The following HPCA variants were observed in gnomAD, a reference collection of about 807,000 sequenced individuals.
HPCA encodes the protein hippocalcin, also known as neuron-specific calcium-binding protein hippocalcin.
Under a neutral mutation model 18.2 loss-of-function variants are expected in HPCA, and 4 were observed. The observed-to-expected ratio is 0.22, with a 90% CI of 0.11 to 0.50. HPCA has a LOEUF of 0.50. Ranked by LOEUF, HPCA falls within the 20% of genes least tolerant of loss-of-function variation. The pLI, the probability that HPCA is intolerant of heterozygous loss-of-function variation, is 0.97. For missense variants in HPCA, 161 were observed against 265.8 expected, an observed-to-expected ratio of 0.61 and a Z score of 2.74; for synonymous variants, 93 against 103.5, an observed-to-expected ratio of 0.90 and a Z score of 0.61.
Position 32,893,737 on chromosome 1 carries a change from C to T in HPCA, c.485-28C>T, listed in dbSNP as rs371652013. The T allele has an allele frequency of 9.0e-6, 14 of 1,554,368 alleles. No individual in the cohort carries two copies. The African/African-American group carries it at 1.1e-4, about 12-fold the overall frequency. On this transcript the variant is annotated intron_variant, in intron 3 of 3. Transcript: ENST00000373467. The surrounding 1 kb of genome is among the most constrained non-coding windows in gnomAD (Gnocchi z 7.5). Reference sequence around the variant, plus strand: ...CCCCTCGCTAGGCTGCCGCCTCCTCCCCCATCACCGCTCCCCTCGCCCTGC... The same window carrying T: ...CCCCTCGCTAGGCTGCCGCCTCCTCTCCCATCACCGCTCCCCTCGCCCTGC...
In HPCA at chr1:32,893,635, G is replaced by A; in HGVS notation, c.484+6G>A. The A allele has an allele frequency of 6.2e-7, 1 of 1,607,560 alleles. No individual in the cohort carries two copies. Among genetic ancestry groups the A allele is most frequent in the Non-Finnish European group, 8.5e-7 (1 of 1,174,210 alleles). ...AATGGACACAAACAACGACGGTGAG[G>A]GGCAGGGGCGGGACGGGGTGGACGG... is the stretch of plus-strand genomic sequence containing the variant. On this transcript the variant is annotated splice_donor_region_variant and intron_variant, in intron 3 of 3. Coordinates refer to ENST00000373467, the MANE Select transcript of HPCA (RefSeq NM_002143.3). The surrounding 1 kb of genome is among the most constrained non-coding windows in gnomAD (Gnocchi z 7.5).
Position 32,893,911 on chromosome 1 carries a change from C to A in HPCA, c.*49C>A. On this transcript the variant is annotated 3_prime_UTR_variant, in exon 4 of 4. Transcript: ENST00000373467. This position sits in a 1 kb window ranked among gnomAD's most constrained non-coding sequence, Gnocchi z 7.5. ...CCTCCCTTCACCGGCCCCCTCCCGG[C>A]TCTTAGCTTCCACTCCCTTGTGTGT... 7.8e-7 allele frequency: 1 copy of A among 1,286,874 alleles called. No individual in the cohort carries two copies. Among genetic ancestry groups the A allele is most frequent in the Non-Finnish European group, 1.1e-6 (1 of 910,694 alleles). 79.7% of individuals were successfully genotyped at this position (1,286,874 alleles called of 1,614,324 possible).
chr1:32,888,059 TTTTA>T (rs1212739753), intron 1 of HPCA, among the ~76,000 whole-genome samples: 62 of 152,180 alleles, frequency 4.1e-4, no homozygotes, highest in Admixed American at 4.1e-3. Context: ...TGTAAGTCAT[TTTTA>T]TTTATTTAAC....
In HPCA at chr1:32,893,927, C is replaced by A; in HGVS notation, c.*65C>A. 8.5e-7 allele frequency: 1 copy of A among 1,173,172 alleles called. No individual in the cohort carries two copies. The highest frequency in any genetic ancestry group is 1.2e-6 in the Non-Finnish European group (1 of 811,092). The allele number at this position is 1,173,172 out of a possible 1,614,324, so 72.7% of individuals were successfully genotyped here. On this transcript the variant is annotated 3_prime_UTR_variant, in exon 4 of 4. Coordinates refer to ENST00000373467, the MANE Select transcript of HPCA (RefSeq NM_002143.3). This position sits in a 1 kb window ranked among gnomAD's most constrained non-coding sequence, Gnocchi z 7.5. ...CCCTCCCGGCTCTTAGCTTCCACTCCCTTGTGTGTATTCTGGCTGGGGGCC... is the reference window on the plus strand; with the variant it reads ...CCCTCCCGGCTCTTAGCTTCCACTCACTTGTGTGTATTCTGGCTGGGGGCC...
chr1:32,894,605 GTTC>G lies in HPCA; in HGVS notation c.*746_*748del. ...GCATGCAGCCAAATGGAGCATCTCT[GTTC>G]TTTTTAATAATTTCAGAATAAAGTC... On this transcript the variant is annotated 3_prime_UTR_variant, in exon 4 of 4. Transcript: ENST00000373467. 1.5e-6 allele frequency: 1 copy of G among 679,872 alleles called. No individual in the cohort carries two copies. Among genetic ancestry groups the G allele is most frequent in the Non-Finnish European group, 2.3e-6 (1 of 427,406 alleles). 42.1% of individuals were successfully genotyped at this position (679,872 alleles called of 1,614,324 possible). A position where few individuals can be genotyped will look rare whatever the true frequency, so the allele number is the denominator to read the frequency against.
chr1:32,893,139 C>T lies in HPCA; in HGVS notation c.379-385C>T, dbSNP rs1304509356. Among the ~76,000 whole-genome samples the T allele has an allele frequency of 6.7e-6, 1 of 148,878 alleles. No homozygotes were observed. Among genetic ancestry groups the T allele is most frequent in the Non-Finnish European group, 1.5e-5 (1 of 66,790 alleles). On this transcript the variant is annotated intron_variant, in intron 2 of 3. Coordinates refer to ENST00000373467, the MANE Select transcript of HPCA (RefSeq NM_002143.3). This position sits in a 1 kb window ranked among gnomAD's most constrained non-coding sequence, Gnocchi z 7.5. The stretch of plus-strand genomic sequence containing the variant: ...GCCGCCCTGGGCCCGGGTGCCAGCC[C>T]GGTACTTACCCCCGACGCGCGTGCC...
In HPCA at chr1:32,890,468, T is replaced by A. The variant is rs551184180; in HGVS notation, c.378+1192T>A. 1.6e-4 allele frequency among the ~76,000 whole-genome samples: 25 copies of A among 152,338 alleles called. No homozygotes were observed. In the South Asian group the frequency reaches 4.8e-3, roughly 29 times the overall value. ...AAGGCTTTACACATTTTTTCACCTG[T>A]AAAGTGGGGGTGTTAATCCCCTGCC... On this transcript the variant is annotated intron_variant, in intron 2 of 3. Coordinates refer to ENST00000373467, the MANE Select transcript of HPCA (RefSeq NM_002143.3).
At chr1:32,890,332 G>GAAT (rs1312019248) in intron 2 of HPCA, among the ~76,000 whole-genome samples, 1 of 152,236 alleles carries the variant, frequency 6.6e-6, no homozygotes, top group East Asian at 1.9e-4. Flanking sequence ...CCTTTTGTTA[G>GAAT]TACAAGTTTA....
intron 2 of HPCA, among the ~76,000 whole-genome samples, chr1:32,890,989 C>T (rs1044548850): frequency 3.3e-5 from 5 of 152,224 alleles, no homozygotes; most frequent in South Asian, 2.1e-4. Context: ...GAGGATCACC[C>T]GGACATGGAC....
Position 32,891,859 on chromosome 1 carries a change from T to A in HPCA, c.379-1665T>A, listed in dbSNP as rs147535378. 7.9e-5 allele frequency among the ~76,000 whole-genome samples: 12 copies of A among 152,276 alleles called. No homozygotes were observed. The East Asian group carries it at 1.9e-3, about 25-fold the overall frequency. On this transcript the variant is annotated intron_variant, in intron 2 of 3. Coordinates refer to ENST00000373467, the MANE Select transcript of HPCA (RefSeq NM_002143.3). Reference sequence around the variant, plus strand: ...AGACCGGGTCTAATGCTAAAGGCCCTGCTGATTATCACCACCCCACACTGC... The same window carrying A: ...AGACCGGGTCTAATGCTAAAGGCCCAGCTGATTATCACCACCCCACACTGC...
At chr1:32,892,793 G>A (rs1271342206) in intron 2 of HPCA, among the ~76,000 whole-genome samples, 1 of 152,148 alleles carries the variant, frequency 6.6e-6, no homozygotes, top group East Asian at 1.9e-4. Context: ...CGGTCCTTGA[G>A]CTCCAAGGCA....
chr1:32,889,403 T>C lies in HPCA; in HGVS notation c.378+127T>C. On this transcript the variant is annotated intron_variant, in intron 2 of 3. Transcript: ENST00000373467. This position sits in a 1 kb window ranked among gnomAD's most constrained non-coding sequence, Gnocchi z 4.6. The stretch of plus-strand genomic sequence containing the variant: ...AGGGGATATTCTTGCAATCCCATTT[T>C]AAAAATTGTTTTTAGGAAATATTTC... The C allele has an allele frequency of 6.3e-6, 7 of 1,103,052 alleles. No homozygotes were observed. Among genetic ancestry groups the C allele is most frequent in the Non-Finnish European group, 8.8e-6 (7 of 792,390 alleles). 68.3% of individuals were successfully genotyped at this position (1,103,052 alleles called of 1,614,324 possible).
At chr1:32,887,526 A>C (rs961791222) in intron 1 of HPCA, among the ~76,000 whole-genome samples, 4 of 151,930 alleles carry the variant, frequency 2.6e-5, no homozygotes, top group African/African-American at 9.7e-5. Context: ...TCCACAATCT[A>C]ACCTGCACTC....
intron 2 of HPCA, among the ~76,000 whole-genome samples, chr1:32,891,522 C>T (rs1641453357): frequency 6.6e-6 from 1 of 152,190 alleles, no homozygotes; most frequent in South Asian, 2.1e-4. Flanking sequence ...CAGGGGACTA[C>T]TGAGTGGCAG....
In HPCA at chr1:32,889,127, G is replaced by A. The variant is rs1641415712; in HGVS notation, c.229G>A (p.Asp77Asn). 5 of 1,614,136 alleles carry A rather than the reference G, an allele frequency of 3.1e-6. No homozygotes were observed. The highest frequency in any genetic ancestry group is 3.4e-6 in the Non-Finnish European group (4 of 1,180,050). ...HVFRTFDTNSDGTIDFREFII... is the reference protein window; with the variant it reads ...HVFRTFDTNSNGTIDFREFII... ...CTTCCGCACCTTTGACACCAACAGC[G>A]ATGGCACCATAGACTTTCGGGAGTT... The change falls in exon 2 of 4, where the codon GAT becomes AAT. Residue 77 changes from aspartate (D) to asparagine (N), a missense_variant. Transcript: ENST00000373467. The surrounding 1 kb of genome is among the most constrained non-coding windows in gnomAD (Gnocchi z 4.6).
chr1:32,893,436 C>T lies in HPCA; in HGVS notation c.379-88C>T, dbSNP rs1390878617. 11 of 912,494 alleles carry T rather than the reference C, an allele frequency of 1.2e-5. No individual in the cohort carries two copies. The highest frequency in any genetic ancestry group is 1.9e-5 in the Non-Finnish European group (11 of 572,608). The allele number at this position is 912,494 out of a possible 1,614,324, so 56.5% of individuals were successfully genotyped here. Reference sequence around the variant, plus strand: ...ACCTTGCCCAGGCGGGGGCAGCAAACGTCAGAGAGCCCGGGGGCGCCTCTG... The same window carrying T: ...ACCTTGCCCAGGCGGGGGCAGCAAATGTCAGAGAGCCCGGGGGCGCCTCTG... On this transcript the variant is annotated intron_variant, in intron 2 of 3. Coordinates refer to ENST00000373467, the MANE Select transcript of HPCA (RefSeq NM_002143.3). This position sits in a 1 kb window ranked among gnomAD's most constrained non-coding sequence, Gnocchi z 7.5.
Position 32,886,986 on chromosome 1 carries a change from C to T in HPCA, c.-22+471C>T, listed in dbSNP as rs1557538459. Among the ~76,000 whole-genome samples, 1 of 152,186 alleles carries T rather than the reference C, an allele frequency of 6.6e-6. No individual in the cohort carries two copies. The highest frequency in any genetic ancestry group is 2.4e-5 in the African/African-American group (1 of 41,438). On this transcript the variant is annotated intron_variant, in intron 1 of 3. Coordinates refer to ENST00000373467, the MANE Select transcript of HPCA (RefSeq NM_002143.3). The surrounding 1 kb of genome is among the most constrained non-coding windows in gnomAD (Gnocchi z 7.0). ...GGGCACTGGAGGAGCTCTCTTGCTC[C>T]GCGCATCTCTCTGCCCCCACCCCGG... is the stretch of plus-strand genomic sequence containing the variant.
chr1:32,887,630 T>A (rs996008578), intron 1 of HPCA, among the ~76,000 whole-genome samples: 2 of 152,044 alleles, frequency 1.3e-5, no homozygotes, highest in African/African-American at 4.8e-5. Context: ...CCCGAGCAGG[T>A]CTGGGAAGGT....
Position 32,894,641 on chromosome 1 carries a change from A to T in HPCA, c.*779A>T. ...TAATTTCAGAATAAAGTCTCATTTC[A>T]GTGCAGTGGGCTGGGTGGTGGGGGA... On this transcript the variant is annotated 3_prime_UTR_variant, in exon 4 of 4. Coordinates refer to ENST00000373467, the MANE Select transcript of HPCA (RefSeq NM_002143.3). 1.2e-6 allele frequency: 1 copy of T among 816,176 alleles called. No homozygotes were observed. Among genetic ancestry groups the T allele is most frequent in the Non-Finnish European group, 1.9e-6 (1 of 525,656 alleles). 50.6% of individuals were successfully genotyped at this position (816,176 alleles called of 1,614,324 possible).
Sources: gnomAD v4.1 joint callset for allele counts (sites outside exome capture counted in the v4.1 genomes callset) on GRCh38, gnomAD v4.1.1 for gene constraint, Gnocchi (gnomAD v3.1) non-coding constraint, MANE v1.5 for transcripts, NCBI Gene and HGNC (gene_info 2026-07-23, HGNC 2026-07-21) for gene names.